CREB3L2: variants seen among roughly 807,000 people sequenced by gnomAD.
CREB3L2 encodes cAMP responsive element binding protein 3 like 2.
CREB3L2 carries 23 observed loss-of-function variants against 57.2 expected under a neutral mutation model. The ratio of observed to expected loss-of-function variants is 0.40; its 90% CI spans 0.29 to 0.57. The LOEUF (loss-of-function observed/expected upper bound fraction) is 0.57. CREB3L2 is among the 20% of genes least tolerant of loss of function. The pLI is 0.42. For synonymous variants in CREB3L2, 268 were observed against 265.1 expected (o/e 1.01, Z -0.11); for missense variants, 628 against 634.7 (o/e 0.99, Z 0.11).
Position 137,885,070 on chromosome 7 carries a change from C to G in CREB3L2, c.1195G>C (p.Gly399Arg), listed in dbSNP as rs376380811. The change falls in exon 10 of 12, where the codon GGG becomes CGG. Residue 399 changes from glycine to arginine, a missense_variant. Transcript: ENST00000330387. ...ATCTTGGTGGCAGAAGGATAGGGCC[C>G]GTAGCCTTGAAAGAAGCTGCCGAAT... is the stretch of plus-strand genomic sequence containing the variant. ...VAFGSFFQGY[G>R]PYPSATKMAL... 6.2e-7 allele frequency: 1 copy of G among 1,614,138 alleles called. No homozygotes were observed. The highest frequency in any genetic ancestry group is 8.5e-7 in the Non-Finnish European group (1 of 1,180,026).
At chr7:137,946,938 ATATATATAGTTATATATATATAGT>A (rs1563262391) in intron 1 of CREB3L2, among the ~76,000 whole-genome samples, 13 of 104,156 alleles carry the variant, frequency 1.2e-4, no homozygotes, top group Non-Finnish European at 1.8e-4. Context: ...ATATATAGTT[ATATATATAGTTATATATATATAGT>A]TATATATATA....
At chr7:137,926,935 GC>G (rs1800478823) in intron 2 of CREB3L2, among the ~76,000 whole-genome samples, 1 of 152,122 alleles carries the variant, frequency 6.6e-6, no homozygotes, top group Non-Finnish European at 1.5e-5. Context: ...GACCACTTCA[GC>G]CCAGGAGTTC....
chr7:137,922,415 T>TATATATATATATATATAC (rs1491237233), intron 2 of CREB3L2, among the ~76,000 whole-genome samples: 6 of 23,160 alleles, frequency 2.6e-4, no homozygotes, highest in African/African-American at 8.1e-4. Context: ...TATATATATA[T>TATATATATATATATATAC]GTATATATAT....
At chr7:137,953,141 A>G (rs1801136004) in intron 1 of CREB3L2, among the ~76,000 whole-genome samples, 1 of 152,206 alleles carries the variant, frequency 6.6e-6, no homozygotes. Flanking sequence ...TCAATCACTT[A>G]GTAAGACCTT....
At chr7:137,964,430 C>T (rs1273871480) in intron 1 of CREB3L2, among the ~76,000 whole-genome samples, 6 of 152,270 alleles carry the variant, frequency 3.9e-5, no homozygotes, top group South Asian at 2.1e-4. Context: ...TCATGTGTTT[C>T]GACAGGGGAA....
intron 1 of CREB3L2, among the ~76,000 whole-genome samples, chr7:137,947,533 G>A (rs556435202): frequency 8.3e-4 from 127 of 152,240 alleles, no homozygotes; most frequent in Non-Finnish European, 1.5e-3. Context: ...CTCCACACCT[G>A]TGTCTTGATC....
intron 8 of CREB3L2, among the ~76,000 whole-genome samples, chr7:137,899,223 A>C (rs1199097013): frequency 6.6e-6 from 1 of 152,018 alleles, no homozygotes; most frequent in East Asian, 1.9e-4. Context: ...CAGGCAAGGT[A>C]GTGGGGTCGG....
intron 1 of CREB3L2, among the ~76,000 whole-genome samples, chr7:137,981,432 G>A (rs944131845): frequency 7.2e-5 from 11 of 152,194 alleles, no homozygotes; most frequent in African/African-American, 2.7e-4. Flanking sequence ...ATCAAATGAG[G>A]TCAAATAAAA....
chr7:137,979,205 C>T (rs1801666686), intron 1 of CREB3L2, among the ~76,000 whole-genome samples: 1 of 152,210 alleles, frequency 6.6e-6, no homozygotes, highest in African/African-American at 2.4e-5. Context: ...AATACGAGTG[C>T]TTTGTGCCTG....
At chr7:137,978,947 G>T (rs1801662550) in intron 1 of CREB3L2, among the ~76,000 whole-genome samples, 1 of 152,204 alleles carries the variant, frequency 6.6e-6, no homozygotes, top group African/African-American at 2.4e-5. Flanking sequence ...TGAGGCGAAG[G>T]TCTGATGGCA....
chr7:137,883,901 C>G (rs1030748574), intron 10 of CREB3L2, among the ~76,000 whole-genome samples: 5 of 152,230 alleles, frequency 3.3e-5, no homozygotes, highest in African/African-American at 7.2e-5. Context: ...TCCTTACTCA[C>G]CATCCCTTTA....
intron 7 of CREB3L2, among the ~76,000 whole-genome samples, chr7:137,902,475 G>A (rs1204409791): frequency 6.6e-6 from 1 of 152,124 alleles, no homozygotes; most frequent in Non-Finnish European, 1.5e-5. Context: ...GGGCACGCAT[G>A]CCCAAAAGAG....
rs151192624 is a variant in CREB3L2 at position 137,927,865 on chromosome 7, G to A, written c.319+285C>T. 6.7e-3 allele frequency among the ~76,000 whole-genome samples: 1,016 copies of A among 151,908 alleles called. 15 individuals carry two copies. The highest frequency in any genetic ancestry group is 0.022 in the African/African-American group (931 of 41,408). ...GTAGGAATGACCAGCCAGATAGGCC[G>A]GCCTGATTTGCAAAAGGCTGCTCTG... On this transcript the variant is annotated intron_variant, in intron 2 of 11. Coordinates refer to ENST00000330387, the MANE Select transcript of CREB3L2 (RefSeq NM_194071.4).
intron 1 of CREB3L2, among the ~76,000 whole-genome samples, chr7:137,952,615 C>T (rs1009468717): frequency 2.6e-5 from 4 of 152,180 alleles, no homozygotes; most frequent in African/African-American, 4.8e-5. Flanking sequence ...GTCTGTCTTG[C>T]TCAGTGTTTG....
chr7:137,927,518 T>G (rs553110913), intron 2 of CREB3L2, among the ~76,000 whole-genome samples: 2 of 152,084 alleles, frequency 1.3e-5, no homozygotes, highest in Non-Finnish European at 2.9e-5. Context: ...ATATATGCCT[T>G]GGAGAGTTTG....
chr7:137,977,667 G>A (rs1198488450), intron 1 of CREB3L2, among the ~76,000 whole-genome samples: 5 of 152,086 alleles, frequency 3.3e-5, no homozygotes, highest in Non-Finnish European at 4.4e-5. Context: ...ATGCCTGTAC[G>A]CCCAGCACTT....
chr7:137,973,152 A>C (rs1801547218), intron 1 of CREB3L2, among the ~76,000 whole-genome samples: 1 of 147,742 alleles, frequency 6.8e-6, no homozygotes, highest in Middle Eastern at 3.2e-3. Context: ...CATGTACCCT[A>C]AAACTTAAAG....
At chr7:137,995,942 C>G (rs1801982902) in intron 1 of CREB3L2, among the ~76,000 whole-genome samples, 1 of 152,166 alleles carries the variant, frequency 6.6e-6, no homozygotes, top group Non-Finnish European at 1.5e-5. Context: ...AGAACAATTT[C>G]AGAGACAGTA....
chr7:137,956,667 C>G, intron 1 of CREB3L2: 1 of 1,270,970 alleles, frequency 7.9e-7, no homozygotes, highest in Non-Finnish European at 1.0e-6. Flanking sequence ...TGAAACAGCA[C>G]AATTTAACAA....
Sources: allele counts gnomAD v4.1 joint callset (sites outside exome capture counted in the v4.1 genomes callset), GRCh38; gene constraint gnomAD v4.1.1; transcripts MANE v1.5; gene names NCBI Gene and HGNC (gene_info 2026-07-23, HGNC 2026-07-21).